The following IP6K2 variants were observed in gnomAD, a reference collection of about 807,000 sequenced individuals.
The protein encoded by IP6K2 is inositol hexakisphosphate kinase 2.
A neutral mutation model predicts 43.3 loss-of-function variants in IP6K2; 9 were observed. The ratio of observed to expected loss-of-function variants is 0.21; its 90% CI spans 0.13 to 0.36. The LOEUF is 0.36. IP6K2 is among the 10% of genes least tolerant of loss of function. IP6K2 has a pLI of 1.00. For missense variants in IP6K2, 332 were observed against 538.4 expected (o/e 0.62, Z 3.79); for synonymous variants, 209 against 202.4 (o/e 1.03, Z -0.28).
At chr3:48,693,555 A>T in intron 2 of IP6K2, 1 of 1,197,726 alleles carries the variant, frequency 8.3e-7, no homozygotes, top group Non-Finnish European at 1.0e-6. Flanking sequence ...TGCCCTAAAC[A>T]GAAACTCCAA....
chr3:48,701,098 G>A (rs192441391), intron 1 of IP6K2, among the ~76,000 whole-genome samples: 16 of 152,296 alleles, frequency 1.1e-4, no homozygotes, highest in Non-Finnish European at 2.1e-4. Context: ...GGCTGGGCGC[G>A]GTGGCTCACG....
At chr3:48,693,958 G>T in intron 2 of IP6K2, 1 of 1,371,990 alleles carries the variant, frequency 7.3e-7, no homozygotes, top group Non-Finnish European at 9.4e-7. Flanking sequence ...TGTCAGGTGG[G>T]GGCGTTTCAG....
intron 1 of IP6K2, among the ~76,000 whole-genome samples, chr3:48,710,886 G>A (rs1366421066): frequency 6.6e-6 from 1 of 152,118 alleles, no homozygotes; most frequent in Non-Finnish European, 1.5e-5. Flanking sequence ...TGGGATTACA[G>A]GCGTGAGCCA....
chr3:48,703,490 G>A (rs1259500518), intron 1 of IP6K2, among the ~76,000 whole-genome samples: 3 of 148,448 alleles, frequency 2.0e-5, no homozygotes, highest in Non-Finnish European at 3.0e-5. Flanking sequence ...GGATCACGAG[G>A]TCAGGAGATC....
rs56204480 is a variant in IP6K2 at position 48,715,492 on chromosome 3, G to A, written c.-131+1665C>T. 1.4e-3 allele frequency: 2,148 copies of A among 1,530,688 alleles called. 25 individuals are homozygous for A. In the African/African-American group the frequency reaches 0.024, roughly 17 times the overall value. 94.8% of individuals were successfully genotyped at this position (1,530,688 alleles called of 1,614,324 possible). On this transcript the variant is annotated intron_variant, in intron 1 of 5. Coordinates refer to ENST00000328631, the MANE Select transcript of IP6K2 (RefSeq NM_016291.4). ...ATTCCACTGCTCAGACAGATACAGG[G>A]CTAGCATACAGTGTACCTGTCTGTC...
intron 1 of IP6K2, among the ~76,000 whole-genome samples, chr3:48,704,011 G>C (rs1195132207): frequency 2.6e-5 from 4 of 152,018 alleles, no homozygotes; most frequent in African/African-American, 9.7e-5. Flanking sequence ...AGAATTGCTT[G>C]AACCCAGGAG....
intron 1 of IP6K2, among the ~76,000 whole-genome samples, chr3:48,700,263 CT>C (rs1169055741): frequency 6.6e-6 from 1 of 151,738 alleles, no homozygotes; most frequent in Non-Finnish European, 1.5e-5. Flanking sequence ...AGCAAATCAG[CT>C]TCCTCCCTAG....
At chr3:48,703,125 G>A (rs910179926) in intron 1 of IP6K2, among the ~76,000 whole-genome samples, 31 of 152,128 alleles carry the variant, frequency 2.0e-4, no homozygotes, top group African/African-American at 1.9e-4. Flanking sequence ...AAGGACCCAC[G>A]CCTGAACATT....
In IP6K2 at chr3:48,688,215, C is replaced by T. The variant is rs755537972; in HGVS notation, c.*58G>A. 2.0e-4 allele frequency: 312 copies of T among 1,576,378 alleles called. No individual in the cohort carries two copies. Among genetic ancestry groups the T allele is most frequent in the Non-Finnish European group, 2.6e-4 (297 of 1,156,514 alleles). On this transcript the variant is annotated 3_prime_UTR_variant, in exon 6 of 6. Coordinates refer to ENST00000328631, the MANE Select transcript of IP6K2 (RefSeq NM_016291.4). The surrounding 1 kb of genome is among the most constrained non-coding windows in gnomAD (Gnocchi z 5.1). ...GGCCATACTGGCTTCCTCCCTGACG[C>T]AGCACAGCTGTGCCTGGGACACAGA...
chr3:48,716,064 C>A (rs188953688), intron 1 of IP6K2, among the ~76,000 whole-genome samples: 1 of 152,136 alleles, frequency 6.6e-6, no homozygotes, highest in African/African-American at 2.4e-5. Context: ...AAATACTTAA[C>A]ACCCAAGTTA....
intron 3 of IP6K2, among the ~76,000 whole-genome samples, chr3:48,692,583 G>T (rs1027472576): frequency 6.6e-6 from 1 of 152,214 alleles, no homozygotes; most frequent in Non-Finnish European, 1.5e-5. Flanking sequence ...TGCTTAGGGG[G>T]ATTGCTGAGT....
intron 1 of IP6K2, among the ~76,000 whole-genome samples, chr3:48,707,368 C>G (rs1279300652): frequency 6.6e-6 from 1 of 152,218 alleles, no homozygotes; most frequent in Non-Finnish European, 1.5e-5. Context: ...AACACCACAA[C>G]ACGCACTGTC....
chr3:48,716,617 C>G (rs2081221403), intron 1 of IP6K2: 1 of 145,976 alleles, frequency 6.9e-6, no homozygotes, highest in East Asian at 2.0e-4. Flanking sequence ...TGTGTAGATT[C>G]CCTCATCGAA....
intron 3 of IP6K2, 26 bp from the exon 4 acceptor site, chr3:48,691,508 T>C (rs1375686586): frequency 3.2e-6 from 5 of 1,556,310 alleles, no homozygotes; most frequent in Non-Finnish European, 4.4e-6. Context: ...GACCAATAAA[T>C]CAGTATGTCT....
chr3:48,692,445 C>A (rs973723700), intron 3 of IP6K2, among the ~76,000 whole-genome samples: 1 of 152,212 alleles, frequency 6.6e-6, no homozygotes, highest in African/African-American at 2.4e-5. Flanking sequence ...AAGCTGGCAA[C>A]TGGGAAAATA....
chr3:48,694,777 C>T (rs757232672), intron 2 of IP6K2: 15 of 1,532,542 alleles, frequency 9.8e-6, no homozygotes, highest in Middle Eastern at 1.7e-4. Flanking sequence ...AGTCTTCCCC[C>T]ACCGTCCCCC....
chr3:48,689,792 ATGCAGT>A, intron 4 of IP6K2, 79 bp from the exon 5 acceptor site: 2 of 1,274,866 alleles, frequency 1.6e-6, no homozygotes, highest in Non-Finnish European at 2.2e-6. Flanking sequence ...CAGTGCCTTG[ATGCAGT>A]GACCCAGAGA....
At chr3:48,697,835 C>T (rs959057042) in intron 1 of IP6K2, among the ~76,000 whole-genome samples, 6 of 152,014 alleles carry the variant, frequency 3.9e-5, no homozygotes, top group African/African-American at 1.2e-4. Context: ...CATGCCACCA[C>T]GCCTAACTAA....
Position 48,695,863 on chromosome 3 carries a change from AAT to A in IP6K2, c.-130-444_-130-443del, listed in dbSNP as rs200374251. Among the ~76,000 whole-genome samples, 78 of 147,250 alleles carry A rather than the reference AAT, an allele frequency of 5.3e-4. 1 individual carries two copies. The highest frequency in any genetic ancestry group is 1.5e-3 in the African/African-American group (60 of 40,574). On this transcript the variant is annotated intron_variant, in intron 1 of 5. Coordinates refer to ENST00000328631, the MANE Select transcript of IP6K2 (RefSeq NM_016291.4). The surrounding 1 kb of genome is among the most constrained non-coding windows in gnomAD (Gnocchi z 4.6). ...TAATATATATTATATATATAAAATA[AAT>A]ATATATATATAATTTTTTAATATAT...
Sources: gnomAD v4.1 joint callset for allele counts (sites outside exome capture counted in the v4.1 genomes callset) on GRCh38, gnomAD v4.1.1 for gene constraint, Gnocchi (gnomAD v3.1) non-coding constraint, MANE v1.5 for transcripts, NCBI Gene and HGNC (gene_info 2026-07-23, HGNC 2026-07-21) for gene names.